Variants in CSMD3 observed in about 807,000 individuals in gnomAD.
CSMD3 encodes CUB and sushi domain-containing protein 3.
Under a neutral mutation model 435.2 loss-of-function variants are expected in CSMD3, and 177 were observed. The ratio of observed to expected loss-of-function variants is 0.41; its 90% confidence interval spans 0.36 to 0.46. The LOEUF is 0.46. Among genes scored for constraint, CSMD3 ranks in the 20% least tolerant of loss-of-function variants. The pLI is 0.34. For missense variants in CSMD3, 4,265 were observed against 4,504.6 expected (o/e 0.95, Z 1.52); for synonymous variants, 1,656 against 1,520.5 (o/e 1.09, Z -2.07).
intron 45 of CSMD3, among the ~76,000 whole-genome samples, chr8:112,329,409 G>A (rs926558709): frequency 6.6e-6 from 1 of 151,980 alleles, no homozygotes; most frequent in African/African-American, 2.4e-5. Context: ...TAATTATATA[G>A]GTATATTCCA....
At chr8:112,568,265 A>G (rs1829218373) in intron 24 of CSMD3, among the ~76,000 whole-genome samples, 1 of 152,198 alleles carries the variant, frequency 6.6e-6, no homozygotes, top group African/African-American at 2.4e-5. Flanking sequence ...TGACAACGCT[A>G]AAGATGAAGA....
intron 32 of CSMD3, among the ~76,000 whole-genome samples, chr8:112,435,249 C>A (rs1342579718): frequency 2.0e-5 from 3 of 152,022 alleles, no homozygotes; most frequent in Non-Finnish European, 4.4e-5. Flanking sequence ...GCATTGAATT[C>A]TCAAGTATGC....
chr8:112,816,119 G>C (rs1455649893), intron 12 of CSMD3, among the ~76,000 whole-genome samples: 1 of 152,064 alleles, frequency 6.6e-6, no homozygotes, highest in African/African-American at 2.4e-5. Flanking sequence ...TATTTACAAA[G>C]ATACCCTTTC....
Position 112,410,447 on chromosome 8 carries a change from A to T in CSMD3, c.5396-1415T>A, listed in dbSNP as rs1032544322. 2.0e-5 allele frequency among the ~76,000 whole-genome samples: 3 copies of T among 147,504 alleles called. No homozygotes were observed. In the East Asian group the frequency reaches 6.0e-4, roughly 29 times the overall value. On this transcript the variant is annotated intron_variant, in intron 32 of 70. Coordinates refer to ENST00000297405, the MANE Select transcript of CSMD3 (RefSeq NM_198123.2). ...TTTTGAATTCAGACCTTTTTAAAAG[A>T]TCCCAAATTTGTTCCACCAAATCCC...
chr8:112,448,383 T>C (rs149608393), intron 32 of CSMD3, among the ~76,000 whole-genome samples: 2 of 152,068 alleles, frequency 1.3e-5, no homozygotes, highest in Non-Finnish European at 2.9e-5. Flanking sequence ...TTCCCACTCA[T>C]AGCAGGGTGA....
intron 1 of CSMD3, among the ~76,000 whole-genome samples, chr8:113,384,031 C>T (rs2094428982): frequency 6.6e-6 from 1 of 152,144 alleles, no homozygotes; most frequent in African/African-American, 2.4e-5. Flanking sequence ...CTGGAATACA[C>T]AAATTTATAG....
intron 3 of CSMD3, among the ~76,000 whole-genome samples, chr8:113,227,437 A>G (rs1483079124): frequency 1.3e-5 from 2 of 151,616 alleles, no homozygotes; most frequent in African/African-American, 4.8e-5. Context: ...CAAATTTACT[A>G]ATTAAAAAGA....
chr8:112,283,238 T>G (rs1818838466), intron 58 of CSMD3, among the ~76,000 whole-genome samples: 1 of 151,982 alleles, frequency 6.6e-6, no homozygotes, highest in African/African-American at 2.4e-5. Flanking sequence ...AGCTGAAACA[T>G]AATACATGTT....
At chr8:112,661,519 C>A (rs1178483111) in intron 17 of CSMD3, among the ~76,000 whole-genome samples, 2 of 152,054 alleles carry the variant, frequency 1.3e-5, no homozygotes, top group African/African-American at 4.8e-5. Context: ...TCAAACTGTT[C>A]ATCAAGTGAG....
At chr8:112,433,246 G>A (rs1813909465) in intron 32 of CSMD3, among the ~76,000 whole-genome samples, 2 of 42,588 alleles carry the variant, frequency 4.7e-5, no homozygotes, top group Admixed American at 1.6e-4. Flanking sequence ...TTCAAGGGCA[G>A]AAATAACAAA....
At chr8:112,421,100 A>C (rs1812446197) in intron 32 of CSMD3, among the ~76,000 whole-genome samples, 1 of 152,030 alleles carries the variant, frequency 6.6e-6, no homozygotes, top group South Asian at 2.1e-4. Context: ...AAGGTTCTTA[A>C]CTTTGCAAAA....
intron 41 of CSMD3, among the ~76,000 whole-genome samples, chr8:112,344,072 T>A (rs1331588575): frequency 6.6e-6 from 1 of 151,822 alleles, no homozygotes; most frequent in Admixed American, 6.6e-5. Flanking sequence ...TTAATAGAGA[T>A]GAGGTTTCAC....
At chr8:113,297,747 T>C (rs1345626293) in intron 2 of CSMD3, among the ~76,000 whole-genome samples, 10 of 152,092 alleles carry the variant, frequency 6.6e-5, no homozygotes, top group African/African-American at 2.2e-4. Context: ...ATTAGTTATA[T>C]ATTTACTTTT....
At chr8:112,698,740 T>C (rs752059356) in intron 13 of CSMD3, among the ~76,000 whole-genome samples, 1 of 152,044 alleles carries the variant, frequency 6.6e-6, no homozygotes, top group Admixed American at 6.6e-5. Context: ...CTGACATAAA[T>C]AAATAAATGG....
In CSMD3 at chr8:112,224,852, C is replaced by T. The variant is rs765393307; in HGVS notation, c.11043G>A (p.Met3681Ile). 1 of 1,614,044 alleles carries T rather than the reference C, an allele frequency of 6.2e-7. No homozygotes were observed. Among genetic ancestry groups the T allele is most frequent in the South Asian group, 1.1e-5 (1 of 91,084 alleles). The change falls in exon 71 of 71, where the codon ATG becomes ATA. Residue 3681 changes from methionine to isoleucine, a missense_variant. Transcript: ENST00000297405. The stretch of plus-strand genomic sequence containing the variant: ...CCACTGACTTTGCGTTGGTGTCATA[C>T]ATGGGATTTTCAAAAGCTGCTTGGC... ...NNGQAAFENP[M>I]YDTNAKSVEG...
chr8:112,476,473 T>TGC (rs1431886046), intron 31 of CSMD3, among the ~76,000 whole-genome samples: 5 of 152,198 alleles, frequency 3.3e-5, no homozygotes, highest in Non-Finnish European at 7.3e-5. Flanking sequence ...GGGAATATCA[T>TGC]GCTATTTCTC....
chr8:113,133,440 CA>C (rs2091336240), intron 4 of CSMD3, among the ~76,000 whole-genome samples: 1 of 151,942 alleles, frequency 6.6e-6, no homozygotes, highest in Admixed American at 6.6e-5. Context: ...CAAGTGTTGG[CA>C]AAAATGTGGA....
At chr8:112,368,615 A>G (rs181472027) in intron 38 of CSMD3, among the ~76,000 whole-genome samples, 24 of 152,338 alleles carry the variant, frequency 1.6e-4, no homozygotes, top group African/African-American at 5.8e-4. Flanking sequence ...TGCATTTAAC[A>G]AGTACTCAAT....
intron 1 of CSMD3, among the ~76,000 whole-genome samples, chr8:113,396,542 T>C (rs1340338046): frequency 1.3e-5 from 2 of 152,176 alleles, no homozygotes; most frequent in African/African-American, 2.4e-5. Context: ...ATCTGAAGTA[T>C]ATAAAAATTG....
Sources: gnomAD v4.1 joint callset for allele counts (sites outside exome capture counted in the v4.1 genomes callset) on GRCh38, gnomAD v4.1.1 for gene constraint, MANE v1.5 for transcripts, NCBI Gene and HGNC (gene_info 2026-07-23, HGNC 2026-07-21) for gene names.